The following CAST variants were observed in gnomAD, a reference collection of about 807,000 sequenced individuals.
The protein encoded by CAST is MIR583 host.
Under a neutral mutation model 119.6 loss-of-function variants are expected in CAST, and 76 were observed. The ratio of observed to expected loss-of-function variants is 0.64; its 90% CI spans 0.53 to 0.77. The LOEUF (loss-of-function observed/expected upper bound fraction) is 0.77. CAST is among the 30% of genes least tolerant of loss of function. The probability of loss-of-function intolerance (pLI) is 0.00; values close to 1 mark genes in which losing one functional copy is unlikely to be tolerated. For missense variants in CAST, 953 were observed against 946.5 expected (o/e 1.01, Z -0.09); for synonymous variants, 319 against 331.6 (o/e 0.96, Z 0.41).
At chr5:96,470,455 A>G in the CAST span, among the ~76,000 whole-genome samples, 1 of 152,050 alleles carries the variant, frequency 6.6e-6, no homozygotes. Context: ...AGAGGAAACA[A>G]GACCAGCATC....
At chr5:96,768,353 G>A (rs1408909971) in intron 29 of CAST, 1 of 442,454 alleles carries the variant, frequency 2.3e-6, no homozygotes, top group Non-Finnish European at 4.4e-6. Context: ...CAAAGTACTG[G>A]GATTACAGGC....
chr5:96,472,700 G>C, the CAST span, among the ~76,000 whole-genome samples: 6 of 152,052 alleles, frequency 3.9e-5, no homozygotes, highest in Non-Finnish European at 7.4e-5. Context: ...ATGGCTTTAG[G>C]TCTGACTTGC....
At chr5:96,770,788 T>A (rs1772016137) in intron 30 of CAST, among the ~76,000 whole-genome samples, 186 bp downstream of exon 30, 1 of 152,168 alleles carries the variant, frequency 6.6e-6, no homozygotes, top group Non-Finnish European at 1.5e-5. Flanking sequence ...TTTAAGTAAC[T>A]GGTGCTTTAA....
intron 1 of CAST, among the ~76,000 whole-genome samples, chr5:96,620,493 TAAATAACCA>T (rs1747583143): frequency 6.6e-6 from 1 of 152,140 alleles, no homozygotes; most frequent in Non-Finnish European, 1.5e-5. Context: ...ATCATGAGGG[TAAATAACCA>T]GTACTCTGCA....
intron 1 of CAST, among the ~76,000 whole-genome samples, chr5:96,596,701 G>A (rs533642777): frequency 1.5e-4 from 23 of 152,248 alleles, no homozygotes; most frequent in African/African-American, 1.4e-4. Flanking sequence ...AGCCCACCTC[G>A]AGATAAGCCC....
the CAST span, chr5:96,398,734 A>G: frequency 1.4e-6 from 1 of 737,036 alleles, no homozygotes. Flanking sequence ...TAACACCAAG[A>G]AAAAGGAAAA....
the CAST span, among the ~76,000 whole-genome samples, chr5:96,235,071 T>G: frequency 6.6e-6 from 1 of 152,174 alleles, no homozygotes; most frequent in South Asian, 2.1e-4. Context: ...CAACTAGTAG[T>G]GTCTGCCACA....
At chr5:96,559,443 G>A (rs377559683) in intron 1 of CAST, among the ~76,000 whole-genome samples, 1 of 152,156 alleles carries the variant, frequency 6.6e-6, no homozygotes, top group African/African-American at 2.4e-5. Context: ...TGACATGATT[G>A]TATATCTAGA....
At chr5:96,519,387 G>C in the CAST span, among the ~76,000 whole-genome samples, 90,717 of 152,058 alleles carry the variant, frequency 0.6, 27,293 homozygotes, top group Middle Eastern at 0.66. Flanking sequence ...AACCCAATGG[G>C]TGCTCTGAAG....
intron 1 of CAST, among the ~76,000 whole-genome samples, chr5:96,585,278 A>G (rs1340923234): frequency 6.6e-6 from 1 of 152,098 alleles, no homozygotes; most frequent in Non-Finnish European, 1.5e-5. Flanking sequence ...CTAAACCCGT[A>G]TCATGTCTTA....
At chr5:96,353,643 C>G in the CAST span, among the ~76,000 whole-genome samples, 1 of 151,414 alleles carries the variant, frequency 6.6e-6, no homozygotes, top group African/African-American at 2.5e-5. Flanking sequence ...TTGTCTGGAG[C>G]TGTGATTTTC....
chr5:96,592,680 C>T (rs1434880083), intron 1 of CAST, among the ~76,000 whole-genome samples: 2 of 152,074 alleles, frequency 1.3e-5, no homozygotes, highest in African/African-American at 4.8e-5. Context: ...TGTCACCTTC[C>T]TGCTTCTATT....
intron 16 of CAST, chr5:96,743,496 G>T: frequency 7.6e-7 from 1 of 1,315,816 alleles, no homozygotes; most frequent in Non-Finnish European, 1.0e-6. Flanking sequence ...AGCTCAGGCT[G>T]GGGGTGCTGG....
At chr5:96,580,118 T>C (rs888737538) in intron 1 of CAST, among the ~76,000 whole-genome samples, 6 of 152,226 alleles carry the variant, frequency 3.9e-5, no homozygotes, top group African/African-American at 9.6e-5. Flanking sequence ...TTAAAATTAA[T>C]CTTAACTGGA....
At chr5:96,222,896 G>T in the CAST span, among the ~76,000 whole-genome samples, 2 of 152,200 alleles carry the variant, frequency 1.3e-5, no homozygotes, top group East Asian at 3.9e-4. Context: ...AGAGTACATG[G>T]TATATATACA....
chr5:96,263,497 C>A, the CAST span, among the ~76,000 whole-genome samples: 1 of 152,038 alleles, frequency 6.6e-6, no homozygotes, highest in African/African-American at 2.4e-5. Context: ...GGATGTTCTC[C>A]ATTCAACAAT....
chr5:96,496,903 AC>A, the CAST span, among the ~76,000 whole-genome samples: 1 of 151,926 alleles, frequency 6.6e-6, no homozygotes, highest in Admixed American at 6.6e-5. Flanking sequence ...GTACATGTGC[AC>A]GACGTGCAGG....
At position 96,763,057 on chromosome 5, in the gene CAST, A is replaced by C. The variant is rs1459283840; in HGVS notation, c.1932+685A>C. On this transcript the variant is annotated intron_variant, in intron 25 of 31. Coordinates refer to ENST00000675179, the MANE Select transcript of CAST (RefSeq NM_001750.7). ...TTATAAAGGGATTGCCCTAAACCAG[A>C]TCCCCATCTCCTTTGGTTGAGAACA... 311 of 761,264 alleles carry C rather than the reference A, an allele frequency of 4.1e-4. 1 individual carries two copies. Among genetic ancestry groups the C allele is most frequent in the Non-Finnish European group, 3.6e-5 (15 of 412,520 alleles). The allele number at this position is 761,264 out of a possible 1,614,324, so 47.2% of individuals were successfully genotyped here.
chr5:96,147,120 C>T, the CAST span, among the ~76,000 whole-genome samples: 4 of 152,194 alleles, frequency 2.6e-5, no homozygotes, highest in Non-Finnish European at 4.4e-5. Flanking sequence ...GAAAGAGTTT[C>T]ATGAGCCCTC....
Sources: gnomAD v4.1 joint callset for allele counts (sites outside exome capture counted in the v4.1 genomes callset) on GRCh38, gnomAD v4.1.1 for gene constraint, MANE v1.5 for transcripts, NCBI Gene and HGNC (gene_info 2026-07-23, HGNC 2026-07-21) for gene names.